The following BFSP1 variants were observed in gnomAD, a reference collection of about 807,000 sequenced individuals.
BFSP1 encodes the protein beaded filament structural protein 1.
In BFSP1, 38 loss-of-function variants were observed where a neutral mutation model predicts 43.9. The ratio of observed to expected loss-of-function variants is 0.87; its 90% CI spans 0.67 to 1.14. The LOEUF (loss-of-function observed/expected upper bound fraction) is 1.14, where lower values mean the gene tolerates loss of function less well. Ranked by LOEUF, BFSP1 falls within the 50% of genes most tolerant of loss-of-function variation. The pLI is 0.00. For missense variants in BFSP1, 850 were observed against 875.1 expected, an observed-to-expected ratio of 0.97 and a Z score of 0.36; for synonymous variants, 352 against 354.8, an observed-to-expected ratio of 0.99 and a Z score of 0.09.
At chr20:17,558,410 CT>C (rs935664276) in intron 1 of BFSP1, among the ~76,000 whole-genome samples, 2 of 152,158 alleles carry the variant, frequency 1.3e-5, no homozygotes, top group African/African-American at 4.8e-5. Flanking sequence ...GCGTGCTGCT[CT>C]TTTTTCTCTG....
At chr20:17,522,409 C>T (rs893408267) in intron 2 of BFSP1, among the ~76,000 whole-genome samples, 6 of 152,218 alleles carry the variant, frequency 3.9e-5, no homozygotes, top group Non-Finnish European at 7.3e-5. Context: ...CCCTCCCCAG[C>T]GTCCTGCATC....
At chr20:17,523,693 A>G (rs796075605) in intron 2 of BFSP1, among the ~76,000 whole-genome samples, 9 of 150,804 alleles carry the variant, frequency 6.0e-5, no homozygotes, top group African/African-American at 2.2e-4. Context: ...CCCAGCCTGC[A>G]TTGACTGACC....
At chr20:17,509,518 G>A (rs2034024583) in intron 4 of BFSP1, among the ~76,000 whole-genome samples, 2 of 152,208 alleles carry the variant, frequency 1.3e-5, no homozygotes. Flanking sequence ...TTGGGAGTGT[G>A]ACATGCCGGG....
chr20:17,541,148 C>T, intron 1 of BFSP1: 1 of 541,038 alleles, frequency 1.8e-6, no homozygotes, highest in Non-Finnish European at 2.4e-6. Flanking sequence ...AATGATCATT[C>T]CTGTGAATAG....
rs2123536475 is a variant in BFSP1 at position 17,531,115 on chromosome 20, A to G, written c.215T>C (p.Leu72Pro). The G allele has an allele frequency of 2.2e-6, 3 of 1,339,912 alleles. No individual in the cohort carries two copies. The highest frequency in any genetic ancestry group is 2.9e-6 in the Non-Finnish European group (3 of 1,048,828). 83.0% of individuals were successfully genotyped at this position (1,339,912 alleles called of 1,614,324 possible). A position where few individuals can be genotyped will look rare whatever the true frequency, so the allele number is the denominator to read the frequency against. Residue 72 changes from leucine to proline, a missense_variant, in exon 1 of 8, where the codon CTG (leucine) becomes CCG (proline). Coordinates refer to ENST00000377873, the MANE Select transcript of BFSP1 (RefSeq NM_001195.5). ...CTCGCCCAGGCGCTGGAAGGCATCC[A>G]GCTGCCTCCGGAGCCCGGCATGGCG... Reference protein sequence around the residue: ...EQRHAGLRRQLDAFQRLGELA... With the variant: ...EQRHAGLRRQPDAFQRLGELA...
At position 17,494,662 on chromosome 20, in the gene BFSP1, G is replaced by A. The variant is rs78102780; in HGVS notation, c.1410C>T (p.His470=). Residue 470 remains histidine (H), a synonymous_variant, in exon 8 of 8, where the codon CAC becomes CAT. Coordinates refer to ENST00000377873, the MANE Select transcript of BFSP1 (RefSeq NM_001195.5). ...TPTELYTKER[H]VLVTGDANYV... ...AATTGGCATCCCCTGTGACCAGCAC[G>A]TGCCGCTCTTTGGTGTAGAGCTCAG... The A allele has an allele frequency of 1.9e-5, 30 of 1,614,190 alleles. No homozygotes were observed. The highest frequency in any genetic ancestry group is 1.1e-4 in the East Asian group (5 of 44,888).
At chr20:17,510,278 C>G (rs79130268) in intron 4 of BFSP1, among the ~76,000 whole-genome samples, 3,158 of 152,252 alleles carry the variant, frequency 0.021, 57 homozygotes, top group East Asian at 0.077. Context: ...AGTTTAGTGT[C>G]TGTATACTTA....
chr20:17,530,515 A>G (rs2034510764), intron 1 of BFSP1, among the ~76,000 whole-genome samples: 1 of 152,362 alleles, frequency 6.6e-6, no homozygotes, highest in Admixed American at 6.5e-5. Flanking sequence ...AGGCAAAGTC[A>G]ATCTATGGTG....
Position 17,494,874 on chromosome 20 carries a change from C to T in BFSP1, c.1198G>A (p.Val400Ile). The T allele has an allele frequency of 1.2e-6, 2 of 1,614,212 alleles. No individual in the cohort carries two copies. The highest frequency in any genetic ancestry group is 1.7e-6 in the Non-Finnish European group (2 of 1,180,034). ...PLKGLEDTKL[V>I]QVVLKEESES... ...CTTTCCTCTTTAAGTACCACCTGTA[C>T]CAGCTTTGTGTCTTCCAAACCTTTT... Residue 400 changes from valine to isoleucine, a missense_variant, in exon 8 of 8, where the codon GTA (valine) becomes ATA (isoleucine). Transcript: ENST00000377873.
At chr20:17,567,439 A>G (rs2035132015) in intron 1 of BFSP1, among the ~76,000 whole-genome samples, 1 of 152,144 alleles carries the variant, frequency 6.6e-6, no homozygotes, top group South Asian at 2.1e-4. Flanking sequence ...AATTGTAGGG[A>G]AAAAACCATG....
rs2033958440 is a variant in BFSP1 at position 17,507,262 on chromosome 20, CAGAT to C, written c.735+1623_735+1626del. On this transcript the variant is annotated intron_variant, in intron 5 of 7. Coordinates refer to ENST00000377873, the MANE Select transcript of BFSP1 (RefSeq NM_001195.5). This position sits in a 1 kb window ranked among gnomAD's most constrained non-coding sequence, Gnocchi z 4.4. ...ATTTCTCATTGCGAGCCATACACAT[CAGAT>C]AGGTAGGTGTGTGTGTGTGTGTGTG... 6.9e-6 allele frequency among the ~76,000 whole-genome samples: 1 copy of C among 143,972 alleles called. No individual in the cohort carries two copies. The highest frequency in any genetic ancestry group is 1.5e-5 in the Non-Finnish European group (1 of 67,538). 94.5% of individuals were successfully genotyped at this position (143,972 alleles called of 152,430 possible). A position where few individuals can be genotyped will look rare whatever the true frequency, so the allele number is the denominator to read the frequency against.
At chr20:17,526,125 G>T (rs1290019006) in intron 1 of BFSP1, among the ~76,000 whole-genome samples, 2 of 75,494 alleles carry the variant, frequency 2.6e-5, no homozygotes, top group Admixed American at 2.0e-4. Context: ...CACTTTTTCT[G>T]TTTTTTTCTG....
At chr20:17,563,372 T>TCCTACCTTTCCTTCCTCCCTCCCTC (rs1282888749), upstream of BFSP1, among the ~76,000 whole-genome samples, 18 of 89,930 alleles carry the variant, frequency 2.0e-4, no homozygotes, top group African/African-American at 7.4e-4. Flanking sequence ...CTCCCTCCCT[T>TCCTACCTTTCCTTCCTCCCTCCCTC]CCTACCTTTC....
At chr20:17,550,736 G>C (rs1402306911) in intron 1 of BFSP1, among the ~76,000 whole-genome samples, 1 of 152,214 alleles carries the variant, frequency 6.6e-6, no homozygotes, top group Non-Finnish European at 1.5e-5. Flanking sequence ...GCCTCCCAAA[G>C]TGCTGGGATT....
chr20:17,509,464 C>G (rs981190712), intron 4 of BFSP1, among the ~76,000 whole-genome samples: 1 of 152,202 alleles, frequency 6.6e-6, no homozygotes, highest in African/African-American at 2.4e-5. Flanking sequence ...GCCCACAGCA[C>G]AGCCATCAAT....
upstream of BFSP1, among the ~76,000 whole-genome samples, chr20:17,532,486 T>A (rs945750198): frequency 7.3e-5 from 11 of 151,600 alleles, no homozygotes; most frequent in South Asian, 1.2e-3. Flanking sequence ...TACAAAAAAA[T>A]TTTAATAAAA....
At chr20:17,518,766 G>A (rs1316225632) in intron 2 of BFSP1, among the ~76,000 whole-genome samples, 1 of 152,208 alleles carries the variant, frequency 6.6e-6, no homozygotes, top group African/African-American at 2.4e-5. Flanking sequence ...AGGAATCTAA[G>A]TAGCAGGAGT....
intron 5 of BFSP1, among the ~76,000 whole-genome samples, chr20:17,501,597 CAAAA>C (rs11476559): frequency 1.4e-5 from 1 of 70,250 alleles, no homozygotes. Context: ...GAGACTCTGT[CAAAA>C]AAAAAAAAAA....
intron 1 of BFSP1, among the ~76,000 whole-genome samples, chr20:17,530,061 G>GA (rs1169615740): frequency 6.6e-6 from 1 of 152,154 alleles, no homozygotes; most frequent in East Asian, 1.9e-4. Context: ...TTTTTAAACT[G>GA]AAAATCACCT....
Sources: allele counts gnomAD v4.1 joint callset (sites outside exome capture counted in the v4.1 genomes callset), GRCh38; gene constraint gnomAD v4.1.1; non-coding constraint Gnocchi (gnomAD v3.1); transcripts MANE v1.5; gene names NCBI Gene and HGNC (gene_info 2026-07-23, HGNC 2026-07-21).